RAB11FIP4: variants seen among roughly 807,000 people sequenced by gnomAD.
RAB11FIP4 encodes the protein rab11 family-interacting protein 4.
RAB11FIP4 carries 23 observed loss-of-function variants against 74.3 expected under a neutral mutation model. The ratio of observed to expected loss-of-function variants is 0.31; its 90% CI spans 0.22 to 0.44. RAB11FIP4 has a LOEUF of 0.44. Among genes scored for constraint, RAB11FIP4 ranks in the 20% least tolerant of loss-of-function variants. RAB11FIP4 has a pLI of 1.00. For missense variants in RAB11FIP4, 630 were observed against 863.9 expected, an observed-to-expected ratio of 0.73 and a Z score of 3.39; for synonymous variants, 360 against 359.9, an observed-to-expected ratio of 1.00 and a Z score of 0.00.
intron 1 of RAB11FIP4, among the ~76,000 whole-genome samples, chr17:31,417,316 G>A (rs2071158091): frequency 6.6e-6 from 1 of 152,136 alleles, no homozygotes; most frequent in Non-Finnish European, 1.5e-5. Flanking sequence ...AGCACTGCCA[G>A]GGAAATCTAG....
At chr17:31,421,040 C>T (rs184719238) in intron 1 of RAB11FIP4, among the ~76,000 whole-genome samples, 170 of 152,182 alleles carry the variant, frequency 1.1e-3, no homozygotes, top group African/African-American at 3.8e-3. Flanking sequence ...GCCGAGATCA[C>T]GCCATTGCAC....
chr17:31,528,359 C>A, intron 11 of RAB11FIP4, 47 bp from the exon 12 acceptor site: 1 of 1,588,114 alleles, frequency 6.3e-7, no homozygotes, highest in South Asian at 1.1e-5. Context: ...ACATAGTGAG[C>A]CCCTCTCTGG....
chr17:31,407,393 T>C (rs2071053311), intron 1 of RAB11FIP4, among the ~76,000 whole-genome samples: 1 of 152,192 alleles, frequency 6.6e-6, no homozygotes. Context: ...CCATCTATCA[T>C]CTAACTCCAT....
chr17:31,455,117 G>A (rs756376864), intron 3 of RAB11FIP4, among the ~76,000 whole-genome samples: 9 of 152,176 alleles, frequency 5.9e-5, no homozygotes, highest in South Asian at 4.1e-4. Context: ...AAAGGCATAC[G>A]AATTTTATTG....
intron 1 of RAB11FIP4, among the ~76,000 whole-genome samples, chr17:31,429,284 T>A (rs2071283493): frequency 6.6e-6 from 1 of 151,744 alleles, no homozygotes; most frequent in Non-Finnish European, 1.5e-5. Flanking sequence ...CATGAAAGAG[T>A]ATGGAGAAAC....
chr17:31,448,412 GGC>G (rs2071491331), intron 3 of RAB11FIP4: 1 of 99,040 alleles, frequency 1.0e-5, no homozygotes, highest in Non-Finnish European at 2.0e-5. Context: ...TTTTTTTTTT[GGC>G]AGAGACCGGG....
intron 3 of RAB11FIP4, among the ~76,000 whole-genome samples, chr17:31,436,923 G>A (rs1342057923): frequency 2.6e-5 from 4 of 152,040 alleles, no homozygotes; most frequent in Non-Finnish European, 5.9e-5. Flanking sequence ...GAGTAGCTGG[G>A]ACTACAGGTG....
intron 3 of RAB11FIP4, among the ~76,000 whole-genome samples, chr17:31,505,507 TATATA>T (rs1555548781): frequency 1.6e-5 from 1 of 63,300 alleles, no homozygotes; most frequent in Non-Finnish European, 3.1e-5. Flanking sequence ...TATTATATTA[TATATA>T]ATAATTATAT....
intron 3 of RAB11FIP4, among the ~76,000 whole-genome samples, chr17:31,439,222 A>G (rs1416007359): frequency 6.6e-6 from 1 of 152,240 alleles, no homozygotes; most frequent in African/African-American, 2.4e-5. Flanking sequence ...TTCTAGAACT[A>G]GGTATCTGGA....
chr17:31,439,755 C>G (rs1420256312), intron 3 of RAB11FIP4, among the ~76,000 whole-genome samples: 3 of 152,034 alleles, frequency 2.0e-5, no homozygotes, highest in Non-Finnish European at 2.9e-5. Context: ...GTACCACAGG[C>G]ACACGCCACC....
At position 31,530,391 on chromosome 17, in the gene RAB11FIP4, C is replaced by T. The variant is rs190103805; in HGVS notation, c.1719C>T (p.Tyr573=). Reference sequence around the variant, plus strand: ...GGCAGATTTTGAGCCTCAGCCTCTACGAAGCAAAAAACCTCTTTGCTGCCC... The same window carrying T: ...GGCAGATTTTGAGCCTCAGCCTCTATGAAGCAAAAAACCTCTTTGCTGCCC... ...LNGQILSLSL[Y]EAKNLFAAQT... The change falls in exon 14 of 15, where the codon TAC becomes TAT. Residue 573 remains tyrosine, a synonymous_variant. Coordinates refer to ENST00000621161, the MANE Select transcript of RAB11FIP4 (RefSeq NM_032932.6). 23 of 1,614,100 alleles carry T rather than the reference C, an allele frequency of 1.4e-5. No homozygotes were observed. Among genetic ancestry groups the T allele is most frequent in the South Asian group, 1.1e-4 (10 of 91,086 alleles).
chr17:31,536,937 T>TTC lies in RAB11FIP4; in HGVS notation c.*5205_*5206insTC, dbSNP rs1567700744. ...ATATGACCTCCCTGCCCCGACCTCG[T>TTC]AGGTTGCTCCTTTCCCCATCTGTAA... is the stretch of plus-strand genomic sequence containing the variant. On this transcript the variant is annotated 3_prime_UTR_variant, in exon 15 of 15. Coordinates refer to ENST00000621161, the MANE Select transcript of RAB11FIP4 (RefSeq NM_032932.6). 7.5e-6 allele frequency: 3 copies of TTC among 398,568 alleles called. No homozygotes were observed. Among genetic ancestry groups the TTC allele is most frequent in the Non-Finnish European group, 1.3e-5 (3 of 226,028 alleles). The allele number at this position is 398,568 out of a possible 1,614,324, so 24.7% of individuals were successfully genotyped here. A position where few individuals can be genotyped will look rare whatever the true frequency, so the allele number is the denominator to read the frequency against.
chr17:31,519,821 C>T lies in RAB11FIP4; in HGVS notation c.564-1345C>T, dbSNP rs545040922. ...GGGTCTGTGGATGGAGAAGAGGGGC[C>T]GTGCTGCTCGTGCTGCTCTCTGGGA... is the stretch of plus-strand genomic sequence containing the variant. On this transcript the variant is annotated intron_variant, in intron 4 of 14. Transcript: ENST00000621161. Among the ~76,000 whole-genome samples, 12 of 152,030 alleles carry T rather than the reference C, an allele frequency of 7.9e-5. No homozygotes were observed. In the South Asian group the frequency reaches 2.3e-3, roughly 29 times the overall value.
chr17:31,437,237 G>A (rs991571426), intron 3 of RAB11FIP4, among the ~76,000 whole-genome samples: 11 of 152,132 alleles, frequency 7.2e-5, no homozygotes, highest in East Asian at 1.9e-4. Flanking sequence ...GGGCTTCTGC[G>A]TGTTGGCAGG....
At chr17:31,520,664 C>T (rs1277328242) in intron 4 of RAB11FIP4, among the ~76,000 whole-genome samples, 9 of 152,096 alleles carry the variant, frequency 5.9e-5, no homozygotes, top group Admixed American at 2.0e-4. Context: ...CTCGCCACCA[C>T]GCCCGGCTAA....
At chr17:31,402,074 G>T (rs968500195) in intron 1 of RAB11FIP4, among the ~76,000 whole-genome samples, 2 of 151,908 alleles carry the variant, frequency 1.3e-5, no homozygotes, top group Non-Finnish European at 2.9e-5. Flanking sequence ...TCCGTCCAGT[G>T]AACCGCCCAT....
At position 31,534,006 on chromosome 17, in the gene RAB11FIP4, G is replaced by T. The variant is rs1475313778; in HGVS notation, c.*2274G>T. On this transcript the variant is annotated 3_prime_UTR_variant, in exon 15 of 15. Coordinates refer to ENST00000621161, the MANE Select transcript of RAB11FIP4 (RefSeq NM_032932.6). ...GCTTGTTGCTTGGCTTTTAAAGATG[G>T]TGTATGTTTGTAAAAATATTCTTCT... is the stretch of plus-strand genomic sequence containing the variant. 1 of 152,214 alleles carries T rather than the reference G, an allele frequency of 6.6e-6. No individual in the cohort carries two copies. Among genetic ancestry groups the T allele is most frequent in the Non-Finnish European group, 1.5e-5 (1 of 68,050 alleles). The allele number at this position is 152,214 out of a possible 1,614,324, so 9.4% of individuals were successfully genotyped here.
intron 3 of RAB11FIP4, among the ~76,000 whole-genome samples, chr17:31,499,475 C>G (rs1357484249): frequency 6.6e-6 from 1 of 152,150 alleles, no homozygotes; most frequent in African/African-American, 2.4e-5. Flanking sequence ...CCTGCCTCCG[C>G]CTCCCGAGTA....
chr17:31,450,695 C>G (rs1035089056), intron 3 of RAB11FIP4, among the ~76,000 whole-genome samples: 3 of 152,048 alleles, frequency 2.0e-5, no homozygotes, highest in Admixed American at 6.5e-5. Flanking sequence ...CCCAGGGGAG[C>G]TGGTTGGTCC....
Sources: allele counts gnomAD v4.1 joint callset (sites outside exome capture counted in the v4.1 genomes callset), GRCh38; gene constraint gnomAD v4.1.1; transcripts MANE v1.5; gene names NCBI Gene and HGNC (gene_info 2026-07-23, HGNC 2026-07-21).